The following ABLIM1 variants were observed in gnomAD, a reference collection of about 807,000 sequenced individuals.
ABLIM1 encodes actin-binding LIM protein 1.
ABLIM1 carries 40 observed loss-of-function variants against 107.0 expected under a neutral mutation model. The observed-to-expected ratio is 0.37, with a 90% CI of 0.29 to 0.49. The LOEUF (loss-of-function observed/expected upper bound fraction) is 0.49. ABLIM1 is among the 20% of genes least tolerant of loss of function. The pLI, the probability that ABLIM1 is intolerant of heterozygous loss-of-function variation, is 0.97. For synonymous variants in ABLIM1, 357 were observed against 357.3 expected (o/e 1.00, Z 0.01); for missense variants, 857 against 1,008.5 (o/e 0.85, Z 2.04).
Position 114,717,996 on chromosome 10 carries a change from AAGG to A in ABLIM1, c.-213+50062_-213+50064del, listed in dbSNP as rs1566269141. 4.1e-4 allele frequency among the ~76,000 whole-genome samples: 33 copies of A among 81,402 alleles called. No individual in the cohort carries two copies. In the South Asian group the frequency reaches 7.5e-3, roughly 18 times the overall value. The allele number at this position is 81,402 out of a possible 152,430, so 53.4% of individuals were successfully genotyped here. ...GGAAAGAGAAAGAAAGAAAGAAAGG[AAGG>A]AAGGAAGGAAGGAAGGAAGGAAGGA... On this transcript the variant is annotated intron_variant, in intron 1 of 15. Transcript: ENST00000651092.
chr10:114,767,092 G>A (rs1463493403), intron 1 of ABLIM1, among the ~76,000 whole-genome samples: 1 of 150,020 alleles, frequency 6.7e-6, no homozygotes, highest in Admixed American at 6.7e-5. Flanking sequence ...TTCATTATAT[G>A]CCCCAGGATG....
chr10:114,752,764 A>G (rs1466743489), intron 1 of ABLIM1, among the ~76,000 whole-genome samples: 1 of 152,246 alleles, frequency 6.6e-6, no homozygotes, highest in African/African-American at 2.4e-5. Context: ...TGAAAAGGAC[A>G]TGATCTCATT....
intron 6 of ABLIM1, among the ~76,000 whole-genome samples, chr10:114,521,190 G>A (rs925598134): frequency 1.3e-5 from 2 of 152,194 alleles, no homozygotes; most frequent in Non-Finnish European, 2.9e-5. Flanking sequence ...TCAGGCACTG[G>A]ACACCTGATG....
At chr10:114,647,293 C>T (rs2079054117) in intron 1 of ABLIM1, among the ~76,000 whole-genome samples, 1 of 145,644 alleles carries the variant, frequency 6.9e-6, no homozygotes, top group Admixed American at 6.6e-5. Context: ...GCCACCGTGC[C>T]CAGCCTAGGC....
At chr10:114,680,644 G>T (rs985222466) in intron 1 of ABLIM1, among the ~76,000 whole-genome samples, 1 of 152,138 alleles carries the variant, frequency 6.6e-6, no homozygotes, top group African/African-American at 2.4e-5. Context: ...TAACCAGCGA[G>T]GTCATCTATA....
At chr10:114,445,675 G>GGAGCA (rs1431548905) in intron 15 of ABLIM1, among the ~76,000 whole-genome samples, 1 of 152,142 alleles carries the variant, frequency 6.6e-6, no homozygotes, top group African/African-American at 2.4e-5. Flanking sequence ...ATTAGAACTG[G>GGAGCA]GTTTGCAACT....
chr10:114,636,773 C>A (rs1298105129), intron 1 of ABLIM1, among the ~76,000 whole-genome samples: 1 of 152,114 alleles, frequency 6.6e-6, no homozygotes, highest in East Asian at 1.9e-4. Context: ...TGGTGCATAC[C>A]TGTAATCCCA....
At chr10:114,455,323 T>C (rs1027186002) in intron 12 of ABLIM1, among the ~76,000 whole-genome samples, 1 of 152,210 alleles carries the variant, frequency 6.6e-6, no homozygotes, top group African/African-American at 2.4e-5. Flanking sequence ...CCCAAATATG[T>C]TATAATGTTG....
intron 1 of ABLIM1, among the ~76,000 whole-genome samples, chr10:114,677,511 G>A (rs972012228): frequency 2.0e-5 from 3 of 152,170 alleles, no homozygotes; most frequent in Non-Finnish European, 2.9e-5. Context: ...AGTGGCTCAC[G>A]CCTGTAATCC....
At chr10:114,459,484 A>T (rs2063449097) in intron 12 of ABLIM1, among the ~76,000 whole-genome samples, 1 of 152,232 alleles carries the variant, frequency 6.6e-6, no homozygotes, top group Non-Finnish European at 1.5e-5. Flanking sequence ...AATTCCTTGG[A>T]GAATCCACAT....
rs951483269 is a variant in ABLIM1 at position 114,441,732 on chromosome 10, C to G, written c.1988G>C (p.Gly663Ala). ...GGGGAGAAATCTTACCCGGTGAAGC[C>G]CATTTCTTCCATAGCCAGGGAGAGA... ...TASLPGYGRN[G>A]LHRPVSTDFA... Residue 663 changes from glycine to alanine, a missense_variant, in exon 18 of 23, where the codon GGG becomes GCG. Gly to Ala is a moderately conservative substitution (Grantham distance 60, BLOSUM62 0). Coordinates refer to ENST00000533213, the MANE Select transcript of ABLIM1 (RefSeq NM_002313.7). The G allele has an allele frequency of 6.2e-7, 1 of 1,613,634 alleles. No homozygotes were observed. The highest frequency in any genetic ancestry group is 1.3e-5 in the African/African-American group (1 of 74,888).
chr10:114,559,012 T>C (rs2069212268), intron 4 of ABLIM1, among the ~76,000 whole-genome samples: 1 of 151,896 alleles, frequency 6.6e-6, no homozygotes, highest in African/African-American at 2.4e-5. Flanking sequence ...CTAATAAATA[T>C]ATTCTTAACT....
At chr10:114,630,551 T>C (rs1296098828) in intron 1 of ABLIM1, among the ~76,000 whole-genome samples, 1 of 152,212 alleles carries the variant, frequency 6.6e-6, no homozygotes, top group African/African-American at 2.4e-5. Context: ...TCTTTTGTCC[T>C]GAGGTGCAGC....
At chr10:114,719,493 T>C (rs77198501) in intron 1 of ABLIM1, among the ~76,000 whole-genome samples, 6,069 of 152,320 alleles carry the variant, frequency 0.04, 177 homozygotes, top group African/African-American at 0.063. Context: ...AAGTACGCTA[T>C]CAAGGTCACT....
upstream of ABLIM1, chr10:114,658,419 A>G (rs75689925): frequency 3.7e-3 from 2,689 of 723,064 alleles, 69 homozygotes; most frequent in African/African-American, 0.044. Context: ...ACTACCAGGA[A>G]CTCGAGACTT....
At chr10:114,485,247 C>G (rs753293858) in intron 8 of ABLIM1, 2 of 1,418,120 alleles carry the variant, frequency 1.4e-6, no homozygotes, top group South Asian at 1.4e-5. Flanking sequence ...GCAACAGAAG[C>G]CTGGGCCCAG....
At chr10:114,720,368 T>C (rs1452395867) in intron 1 of ABLIM1, among the ~76,000 whole-genome samples, 1 of 152,242 alleles carries the variant, frequency 6.6e-6, no homozygotes, top group Non-Finnish European at 1.5e-5. Flanking sequence ...GAATGATTTA[T>C]ATTCCTTTGG....
chr10:114,561,453 C>A (rs2069683831), intron 4 of ABLIM1, among the ~76,000 whole-genome samples: 1 of 152,160 alleles, frequency 6.6e-6, no homozygotes, highest in Non-Finnish European at 1.5e-5. Context: ...ATACAGTTTG[C>A]TTTTAAATAG....
chr10:114,505,937 G>A (rs1488161442), intron 6 of ABLIM1, among the ~76,000 whole-genome samples: 1 of 152,164 alleles, frequency 6.6e-6, no homozygotes, highest in African/African-American at 2.4e-5. Context: ...ATGTTGCTGA[G>A]GTCTGGTGTA....
Sources: allele counts gnomAD v4.1 joint callset (sites outside exome capture counted in the v4.1 genomes callset), GRCh38; gene constraint gnomAD v4.1.1; transcripts MANE v1.5; gene names NCBI Gene and HGNC (gene_info 2026-07-23, HGNC 2026-07-21).